Variants in ADAM10 observed in about 807,000 individuals in gnomAD.
ADAM10 encodes the protein ADAM metallopeptidase domain 10.
Under a neutral mutation model 90.1 loss-of-function variants are expected in ADAM10, and 17 were observed. The ratio of observed to expected loss-of-function variants is 0.19; its 90% CI spans 0.13 to 0.28. The LOEUF is 0.28. Among genes scored for constraint, ADAM10 ranks in the 10% least tolerant of loss-of-function variants. ADAM10 has a pLI of 1.00. For missense variants in ADAM10, 610 were observed against 914.3 expected, an observed-to-expected ratio of 0.67 and a Z score of 4.29; for synonymous variants, 310 against 298.6, an observed-to-expected ratio of 1.04 and a Z score of -0.40.
chr15:58,664,486 T>C (rs1596044014), intron 5 of ADAM10, among the ~76,000 whole-genome samples: 2 of 152,120 alleles, frequency 1.3e-5, no homozygotes, highest in African/African-American at 2.4e-5. Context: ...GATCAAAGAA[T>C]AGATCTGAAT....
chr15:58,648,995 TG>T (rs1409550923), intron 5 of ADAM10, among the ~76,000 whole-genome samples: 1 of 152,146 alleles, frequency 6.6e-6, no homozygotes, highest in Non-Finnish European at 1.5e-5. Flanking sequence ...TGTGGGGTTT[TG>T]TTGCTGTTAA....
intron 11 of ADAM10, among the ~76,000 whole-genome samples, chr15:58,615,956 C>T (rs1352817114): frequency 1.5e-4 from 23 of 151,786 alleles, no homozygotes; most frequent in African/African-American, 5.3e-4. Flanking sequence ...TGCAGTGAGC[C>T]GAGATCATGC....
chr15:58,664,538 CT>C (rs1416279879), intron 5 of ADAM10, among the ~76,000 whole-genome samples: 12 of 152,034 alleles, frequency 7.9e-5, no homozygotes, highest in Non-Finnish European at 1.5e-4. Context: ...TACCATACTA[CT>C]TTTAGAAAGG....
Position 58,644,010 on chromosome 15 carries a change from C to T in ADAM10, c.736-32G>A, listed in dbSNP as rs575655583. On this transcript the variant is annotated intron_variant, in intron 6 of 15. Transcript: ENST00000260408. ...TTTAAAAAAAAGAACATTTTAGAGGCAATGTTGAAATATGAAAAAGATTAT... is the reference window on the plus strand; with the variant it reads ...TTTAAAAAAAAGAACATTTTAGAGGTAATGTTGAAATATGAAAAAGATTAT... 23 of 1,447,124 alleles carry T rather than the reference C, an allele frequency of 1.6e-5. No homozygotes were observed. In the South Asian group the frequency reaches 2.6e-4, roughly 17 times the overall value. 89.6% of individuals were successfully genotyped at this position (1,447,124 alleles called of 1,614,324 possible). A position where few individuals can be genotyped will look rare whatever the true frequency, so the allele number is the denominator to read the frequency against.
At chr15:58,743,696 C>T (rs370511002) in intron 1 of ADAM10, among the ~76,000 whole-genome samples, 1 of 152,092 alleles carries the variant, frequency 6.6e-6, no homozygotes, top group African/African-American at 2.4e-5. Flanking sequence ...CCTCCACCTC[C>T]CGGGTTCAAG....
chr15:58,722,543 AAAAG>A (rs1487427738), intron 1 of ADAM10, among the ~76,000 whole-genome samples: 4 of 150,812 alleles, frequency 2.7e-5, no homozygotes, highest in East Asian at 1.9e-4. Context: ...AAAAAAAAAA[AAAAG>A]AAAAGAACTG....
At chr15:58,605,953 C>G (rs1306585241) in intron 14 of ADAM10, among the ~76,000 whole-genome samples, 1 of 151,946 alleles carries the variant, frequency 6.6e-6, no homozygotes, top group East Asian at 1.9e-4. Flanking sequence ...AAGCAAGTAT[C>G]ATCTAAAAAA....
At chr15:58,658,557 T>C (rs1896887750) in intron 5 of ADAM10, among the ~76,000 whole-genome samples, 1 of 152,224 alleles carries the variant, frequency 6.6e-6, no homozygotes, top group Non-Finnish European at 1.5e-5. Flanking sequence ...GTCTTGATAC[T>C]GACTGCACTG....
At chr15:58,630,096 C>T (rs1596008060) in intron 9 of ADAM10, among the ~76,000 whole-genome samples, 1 of 152,096 alleles carries the variant, frequency 6.6e-6, no homozygotes, top group East Asian at 1.9e-4. Context: ...GTTATACACA[C>T]CTTTCTTTCA....
chr15:58,659,267 C>T (rs983489624), intron 5 of ADAM10, among the ~76,000 whole-genome samples: 2 of 150,754 alleles, frequency 1.3e-5, no homozygotes, highest in Non-Finnish European at 2.9e-5. Context: ...AGCGAGAATC[C>T]GTCTCAAAAA....
intron 5 of ADAM10, among the ~76,000 whole-genome samples, chr15:58,648,790 T>C (rs1316145488): frequency 6.6e-6 from 1 of 152,172 alleles, no homozygotes; most frequent in Non-Finnish European, 1.5e-5. Context: ...AAGGCTGCTA[T>C]AACATAATGG....
At chr15:58,725,091 A>C (rs1214440690) in intron 1 of ADAM10, among the ~76,000 whole-genome samples, 1 of 152,106 alleles carries the variant, frequency 6.6e-6, no homozygotes, top group Non-Finnish European at 1.5e-5. Flanking sequence ...CGAGAGGCTG[A>C]GGTAGGAGGA....
At chr15:58,664,550 A>T (rs1335393797) in intron 5 of ADAM10, among the ~76,000 whole-genome samples, 1 of 152,190 alleles carries the variant, frequency 6.6e-6, no homozygotes, top group African/African-American at 2.4e-5. Context: ...TTTAGAAAGG[A>T]TGTCCAAAAT....
At position 58,593,675 on chromosome 15, in the gene ADAM10, C is replaced by T. The variant is rs1047914766; in HGVS notation, c.*3872G>A. ...TGTCCTTGTTGGATTACCCCACACC[C>T]TATCACTTTAGTGTAGATTTCAGGA... On this transcript the variant is annotated 3_prime_UTR_variant, in exon 16 of 16. Transcript: ENST00000260408. The T allele has an allele frequency of 5.9e-5, 9 of 152,216 alleles. No homozygotes were observed. Among genetic ancestry groups the T allele is most frequent in the Admixed American group, 5.9e-4 (9 of 15,290 alleles). 9.4% of individuals were successfully genotyped at this position (152,216 alleles called of 1,614,324 possible).
intron 11 of ADAM10, among the ~76,000 whole-genome samples, chr15:58,618,508 G>C (rs1050178977): frequency 2.6e-5 from 4 of 152,070 alleles, no homozygotes; most frequent in African/African-American, 9.7e-5. Context: ...AGCAAAAATA[G>C]GCAAATAGGG....
intron 1 of ADAM10, among the ~76,000 whole-genome samples, chr15:58,741,359 A>G (rs1899607964): frequency 6.6e-6 from 1 of 152,196 alleles, no homozygotes; most frequent in Admixed American, 6.5e-5. Context: ...TCTTTAAACT[A>G]ATCTCTATCT....
intron 2 of ADAM10, among the ~76,000 whole-genome samples, chr15:58,689,796 T>C (rs1897722769): frequency 6.6e-6 from 1 of 150,382 alleles, no homozygotes; most frequent in Non-Finnish European, 1.5e-5. Context: ...CTGAAGAAAA[T>C]GAATTCATGA....
At chr15:58,635,010 T>C (rs7183738) in intron 8 of ADAM10, among the ~76,000 whole-genome samples, 5 of 151,870 alleles carry the variant, frequency 3.3e-5, no homozygotes, top group Non-Finnish European at 7.4e-5. Context: ...AAATACAAAT[T>C]TGAATTACTG....
At chr15:58,655,783 G>A (rs1435344261) in intron 5 of ADAM10, among the ~76,000 whole-genome samples, 5 of 102,468 alleles carry the variant, frequency 4.9e-5, no homozygotes, top group Non-Finnish European at 9.1e-5. Context: ...GTCTTGCTCT[G>A]TCACCCAGAC....
Sources: allele counts gnomAD v4.1 joint callset (sites outside exome capture counted in the v4.1 genomes callset), GRCh38; gene constraint gnomAD v4.1.1; transcripts MANE v1.5; gene names NCBI Gene and HGNC (gene_info 2026-07-23, HGNC 2026-07-21).